The following CSMD1 variants were observed in gnomAD, a reference collection of about 807,000 sequenced individuals.
The protein encoded by CSMD1 is CUB and sushi domain-containing protein 1.
Under a neutral mutation model 417.5 loss-of-function variants are expected in CSMD1, and 213 were observed. The ratio of observed to expected loss-of-function variants is 0.51; its 90% CI spans 0.46 to 0.57. The LOEUF is 0.57. Ranked by LOEUF, CSMD1 falls within the 20% of genes least tolerant of loss-of-function variation. The pLI is 0.00. For missense variants in CSMD1, 6,923 were observed against 4,529.7 expected (o/e 1.53, Z -15.17); for synonymous variants, 2,862 against 1,736.8 (o/e 1.65, Z -16.11).
At chr8:4,863,949 AAAT>A (rs1260397474) in intron 1 of CSMD1, among the ~76,000 whole-genome samples, 17 of 131,560 alleles carry the variant, frequency 1.3e-4, no homozygotes, top group African/African-American at 4.1e-4. Context: ...ATCCTAAAAT[AAAT>A]GTCAAGACAT....
At chr8:4,164,254 T>A (rs1050642135) in intron 3 of CSMD1, among the ~76,000 whole-genome samples, 16 of 151,422 alleles carry the variant, frequency 1.1e-4, no homozygotes, top group Non-Finnish European at 1.6e-4. Flanking sequence ...AAAAACAAAA[T>A]GATGTTAAAA....
At chr8:3,076,788 C>T (rs778614496) in intron 49 of CSMD1, among the ~76,000 whole-genome samples, 5 of 152,172 alleles carry the variant, frequency 3.3e-5, no homozygotes, top group Non-Finnish European at 7.3e-5. Context: ...GCGCAAAATG[C>T]TGGGGATTCG....
intron 3 of CSMD1, among the ~76,000 whole-genome samples, chr8:4,234,659 G>C (rs552344446): frequency 6.6e-6 from 1 of 152,064 alleles, no homozygotes; most frequent in East Asian, 1.9e-4. Context: ...ACGAATAGAT[G>C]GCAGGTGCTA....
At chr8:2,956,582 T>C (rs912456080) in intron 63 of CSMD1, among the ~76,000 whole-genome samples, 3 of 152,064 alleles carry the variant, frequency 2.0e-5, no homozygotes, top group Admixed American at 6.6e-5. Context: ...GCCTCCCCAG[T>C]AGCTGGGACT....
At chr8:4,644,355 T>C (rs1375552353) in intron 1 of CSMD1, among the ~76,000 whole-genome samples, 2 of 152,124 alleles carry the variant, frequency 1.3e-5, no homozygotes, top group Non-Finnish European at 2.9e-5. Flanking sequence ...GTATACTCTT[T>C]CCAGACACTC....
intron 10 of CSMD1, among the ~76,000 whole-genome samples, chr8:3,512,925 C>A (rs920292260): frequency 6.6e-6 from 1 of 151,946 alleles, no homozygotes; most frequent in Non-Finnish European, 1.5e-5. Context: ...AACACGTGGG[C>A]CCGTTGTATA....
intron 2 of CSMD1, among the ~76,000 whole-genome samples, chr8:4,607,555 C>G (rs1183436742): frequency 6.6e-6 from 1 of 152,162 alleles, no homozygotes; most frequent in African/African-American, 2.4e-5. Context: ...TAGGTTTCAA[C>G]AAGGACCTCA....
intron 3 of CSMD1, among the ~76,000 whole-genome samples, chr8:4,228,058 C>G (rs964367117): frequency 2.0e-4 from 31 of 152,048 alleles, no homozygotes; most frequent in African/African-American, 7.2e-4. Flanking sequence ...AGCACGCCCT[C>G]TAACTTGCAT....
intron 11 of CSMD1, among the ~76,000 whole-genome samples, chr8:3,492,849 G>A (rs533376053): frequency 2.0e-5 from 3 of 151,670 alleles, no homozygotes; most frequent in East Asian, 1.9e-4. Context: ...CCCCATGTCT[G>A]TTACTTTATT....
chr8:3,400,212 C>T (rs1212924766), intron 15 of CSMD1, among the ~76,000 whole-genome samples: 1 of 152,122 alleles, frequency 6.6e-6, no homozygotes, highest in African/African-American at 2.4e-5. Context: ...TTTTAAATAG[C>T]ATACCAATAT....
chr8:4,512,719 T>C (rs907751877), intron 2 of CSMD1, among the ~76,000 whole-genome samples: 1 of 151,650 alleles, frequency 6.6e-6, no homozygotes, highest in African/African-American at 2.4e-5. Flanking sequence ...TACTTAGATA[T>C]AAATCTAGCA....
At chr8:3,523,923 A>C (rs1797631990) in intron 10 of CSMD1, among the ~76,000 whole-genome samples, 1 of 151,314 alleles carries the variant, frequency 6.6e-6, no homozygotes, top group African/African-American at 2.4e-5. Flanking sequence ...GCACACACAC[A>C]TATGCATGCA....
chr8:3,675,530 TG>T (rs1312614118), intron 7 of CSMD1, among the ~76,000 whole-genome samples: 3 of 152,162 alleles, frequency 2.0e-5, no homozygotes, highest in African/African-American at 7.2e-5. Context: ...TCCAATGAGA[TG>T]GTGTTTGGAA....
chr8:4,515,561 G>T (rs893806554), intron 2 of CSMD1, among the ~76,000 whole-genome samples: 2 of 152,206 alleles, frequency 1.3e-5, no homozygotes, highest in Admixed American at 6.5e-5. Flanking sequence ...GATAAACCCA[G>T]TTAAATTCAA....
chr8:4,346,999 G>C (rs1800811867), intron 3 of CSMD1, among the ~76,000 whole-genome samples: 1 of 152,134 alleles, frequency 6.6e-6, no homozygotes, highest in Non-Finnish European at 1.5e-5. Flanking sequence ...CTGAGGACAA[G>C]GGCTCCAGGA....
chr8:4,575,938 G>A (rs1336478368), intron 2 of CSMD1, among the ~76,000 whole-genome samples: 1 of 152,146 alleles, frequency 6.6e-6, no homozygotes. Context: ...CAATCCCACA[G>A]CACATCACCA....
At chr8:2,947,049 C>A (rs1248914080) in intron 68 of CSMD1, among the ~76,000 whole-genome samples, 1 of 152,126 alleles carries the variant, frequency 6.6e-6, no homozygotes, top group Non-Finnish European at 1.5e-5. Flanking sequence ...AATCTTTGGT[C>A]AATTTCTTAT....
At chr8:3,593,780 T>A (rs1800965579) in intron 8 of CSMD1, among the ~76,000 whole-genome samples, 2 of 152,200 alleles carry the variant, frequency 1.3e-5, no homozygotes, top group South Asian at 4.1e-4. Context: ...AACACTGCTA[T>A]CCTTATTATA....
chr8:4,689,439 G>C (rs186937516), intron 1 of CSMD1, among the ~76,000 whole-genome samples: 41 of 152,016 alleles, frequency 2.7e-4, no homozygotes, highest in Admixed American at 2.2e-3. Flanking sequence ...TGATTTAATG[G>C]GTATGCATTT....
Sources: allele counts gnomAD v4.1 joint callset (sites outside exome capture counted in the v4.1 genomes callset), GRCh38; gene constraint gnomAD v4.1.1; transcripts MANE v1.5; gene names NCBI Gene and HGNC (gene_info 2026-07-23, HGNC 2026-07-21).